The following CCSER1 variants were observed in gnomAD, a reference collection of about 807,000 sequenced individuals.
The protein encoded by CCSER1 is coiled-coil serine rich protein 1, also known as serine-rich coiled-coil domain-containing protein 1.
A neutral mutation model predicts 82.0 loss-of-function variants in CCSER1; 41 were observed. That is an observed-to-expected ratio of 0.50 (90% CI 0.39 to 0.65). The LOEUF (loss-of-function observed/expected upper bound fraction) is 0.65, where lower values mean the gene tolerates loss of function less well. CCSER1 is among the 30% of genes least tolerant of loss of function. The pLI is 0.00. For missense variants in CCSER1, 1,119 were observed against 1,064.2 expected, an observed-to-expected ratio of 1.05 and a Z score of -0.72; for synonymous variants, 414 against 383.9, an observed-to-expected ratio of 1.08 and a Z score of -0.92.
chr4:91,486,036 C>T (rs530895699), intron 10 of CCSER1, among the ~76,000 whole-genome samples: 20 of 151,896 alleles, frequency 1.3e-4, no homozygotes, highest in Non-Finnish European at 2.5e-4. Flanking sequence ...CCTTTTACAC[C>T]ACTTTATGTA....
At chr4:91,302,928 A>G (rs1192450298) in intron 10 of CCSER1, among the ~76,000 whole-genome samples, 1 of 151,870 alleles carries the variant, frequency 6.6e-6, no homozygotes, top group Non-Finnish European at 1.5e-5. Flanking sequence ...GTTTTGCCCT[A>G]ACTAGGGTAT....
chr4:90,435,864 T>C (rs1758926492), intron 4 of CCSER1, among the ~76,000 whole-genome samples: 1 of 150,678 alleles, frequency 6.6e-6, no homozygotes, highest in Non-Finnish European at 1.5e-5. Context: ...TTCAAAAAAA[T>C]CTTAGATTTT....
intron 10 of CCSER1, among the ~76,000 whole-genome samples, chr4:91,295,187 C>T (rs986627272): frequency 6.6e-6 from 1 of 151,874 alleles, no homozygotes; most frequent in African/African-American, 2.4e-5. Context: ...AAATATATGA[C>T]CAATACTACC....
intron 10 of CCSER1, chr4:91,325,313 T>C: frequency 5.3e-6 from 2 of 374,492 alleles, no homozygotes; most frequent in Non-Finnish European, 1.0e-5. Flanking sequence ...GAAGCTTTAC[T>C]TGGAAAATGA....
intron 3 of CCSER1, among the ~76,000 whole-genome samples, chr4:90,396,530 G>A (rs966441065): frequency 6.6e-6 from 1 of 151,956 alleles, no homozygotes; most frequent in African/African-American, 2.4e-5. Context: ...TACTCAATTT[G>A]TATTTTTTAA....
intron 6 of CCSER1, among the ~76,000 whole-genome samples, chr4:90,690,994 G>A (rs1490944819): frequency 6.6e-6 from 1 of 151,884 alleles, no homozygotes; most frequent in East Asian, 1.9e-4. Flanking sequence ...ACCTCTCCAA[G>A]TCTTAATTCC....
At chr4:90,875,755 A>G (rs1386714497) in intron 8 of CCSER1, among the ~76,000 whole-genome samples, 1 of 152,192 alleles carries the variant, frequency 6.6e-6, no homozygotes, top group African/African-American at 2.4e-5. Context: ...CTTGACTAAG[A>G]TGAGCCATAC....
At chr4:91,360,676 G>T (rs922809940) in intron 10 of CCSER1, among the ~76,000 whole-genome samples, 1 of 151,768 alleles carries the variant, frequency 6.6e-6, no homozygotes, top group Non-Finnish European at 1.5e-5. Flanking sequence ...AGTAACTGAT[G>T]TAGAAGAAGG....
intron 7 of CCSER1, among the ~76,000 whole-genome samples, chr4:90,771,391 T>A (rs1752137971): frequency 6.6e-6 from 1 of 151,774 alleles, no homozygotes; most frequent in Admixed American, 6.6e-5. Context: ...CAGAAATAGA[T>A]GTTCTTAAAA....
intron 8 of CCSER1, among the ~76,000 whole-genome samples, chr4:90,858,708 G>A (rs1051893295): frequency 2.0e-5 from 3 of 151,836 alleles, no homozygotes; most frequent in Admixed American, 6.6e-5. Context: ...ACGCAACAAA[G>A]CCTAATCTGA....
At chr4:91,386,328 T>G (rs371834052) in intron 10 of CCSER1, among the ~76,000 whole-genome samples, 3 of 152,092 alleles carry the variant, frequency 2.0e-5, no homozygotes, top group African/African-American at 7.2e-5. Context: ...TCCAAATAAT[T>G]AAGGATAGCA....
intron 1 of CCSER1, among the ~76,000 whole-genome samples, chr4:90,251,754 A>G (rs1275705153): frequency 6.6e-6 from 1 of 151,588 alleles, no homozygotes; most frequent in Non-Finnish European, 1.5e-5. Flanking sequence ...GAATTTCTCC[A>G]TTTCTTCTAA....
rs1388854463 is a variant in CCSER1 at position 90,815,817 on chromosome 4, A to C, written c.2066A>C (p.Glu689Ala). 3.9e-6 allele frequency: 6 copies of C among 1,551,228 alleles called. No individual in the cohort carries two copies. Among genetic ancestry groups the C allele is most frequent in the Admixed American group, 3.9e-5 (2 of 50,982 alleles). ...AAGCTGCAGCTGAAAGAGAAGGATG[A>C]ACTCATTTCCCAACTTCAGGAAGAG... ...MLKLQLKEKD[E>A]LISQLQEELG... The change falls in exon 8 of 11, where the codon GAA becomes GCA. Residue 689 changes from glutamate (E) to alanine (A), a missense_variant. Transcript: ENST00000509176.
At chr4:90,276,251 T>TTTCTTTCTTTCTTTCTTCCC (rs1727659770) in intron 1 of CCSER1, among the ~76,000 whole-genome samples, 38 of 76,852 alleles carry the variant, frequency 4.9e-4, no homozygotes, top group African/African-American at 1.9e-3. Context: ...TCTTTCTTTC[T>TTTCTTTCTTTCTTTCTTCCC]TTCCTTCCTT....
At chr4:91,504,753 C>A (rs1282511096) in intron 10 of CCSER1, among the ~76,000 whole-genome samples, 3 of 151,836 alleles carry the variant, frequency 2.0e-5, no homozygotes, top group Admixed American at 6.6e-5. Context: ...ATGAATACAA[C>A]CAAACAAAAC....
chr4:91,438,229 C>A (rs573747209), intron 10 of CCSER1, among the ~76,000 whole-genome samples: 2 of 152,266 alleles, frequency 1.3e-5, no homozygotes, highest in African/African-American at 4.8e-5. Context: ...TGGGAGGCAC[C>A]CCCCAGTAGG....
chr4:90,661,428 A>G (rs954498512), intron 6 of CCSER1, among the ~76,000 whole-genome samples: 2 of 152,174 alleles, frequency 1.3e-5, no homozygotes, highest in African/African-American at 2.4e-5. Context: ...GAGTGTATTT[A>G]TATATATGCT....
intron 5 of CCSER1, among the ~76,000 whole-genome samples, chr4:90,476,655 A>C (rs1244085923): frequency 8.5e-5 from 13 of 152,208 alleles, no homozygotes; most frequent in Non-Finnish European, 2.9e-5. Flanking sequence ...GTCAAGAACC[A>C]ATAGATTTTA....
At chr4:90,401,668 G>A (rs1052434254) in intron 4 of CCSER1, among the ~76,000 whole-genome samples, 4 of 152,048 alleles carry the variant, frequency 2.6e-5, no homozygotes, top group African/African-American at 9.7e-5. Context: ...CAAGTAGCTG[G>A]GACTGCAAAT....
Sources: allele counts gnomAD v4.1 joint callset (sites outside exome capture counted in the v4.1 genomes callset), GRCh38; gene constraint gnomAD v4.1.1; transcripts MANE v1.5; gene names NCBI Gene and HGNC (gene_info 2026-07-23, HGNC 2026-07-21).